The following PHLPP1 variants were observed in gnomAD, a reference collection of about 807,000 sequenced individuals.
PHLPP1 encodes the protein PH domain and leucine rich repeat protein phosphatase 1.
PHLPP1 carries 42 observed loss-of-function variants against 117.2 expected under a neutral mutation model. The observed-to-expected ratio is 0.36, with a 90% CI of 0.28 to 0.46. PHLPP1 has a LOEUF of 0.46. PHLPP1 is among the 20% of genes least tolerant of loss of function. The pLI, the probability that PHLPP1 is intolerant of heterozygous loss-of-function variation, is 1.00. For synonymous variants in PHLPP1, 1,042 were observed against 970.7 expected, an observed-to-expected ratio of 1.07 and a Z score of -1.37; for missense variants, 2,084 against 2,241.9, an observed-to-expected ratio of 0.93 and a Z score of 1.42.
chr18:62,874,310 C>G (rs1915981956), intron 4 of PHLPP1, among the ~76,000 whole-genome samples: 1 of 152,070 alleles, frequency 6.6e-6, no homozygotes, highest in African/African-American at 2.4e-5. Flanking sequence ...GAGTTTGCGA[C>G]CAGCCTGACC....
intron 1 of PHLPP1, chr18:62,826,177 T>C: frequency 3.1e-6 from 1 of 319,596 alleles, no homozygotes; most frequent in Non-Finnish European, 6.3e-6. Context: ...TTTCTGGAGG[T>C]CCATTGCTTT....
intron 1 of PHLPP1, among the ~76,000 whole-genome samples, chr18:62,810,782 A>G (rs964987876): frequency 1.3e-5 from 2 of 152,220 alleles, no homozygotes; most frequent in African/African-American, 4.8e-5. Context: ...GAACAAAGGT[A>G]GTACTATAAA....
intron 2 of PHLPP1, chr18:62,832,199 C>A (rs1350825713): frequency 6.6e-6 from 1 of 152,176 alleles, no homozygotes; most frequent in East Asian, 1.9e-4. Context: ...AGCTAAATAA[C>A]CCTGCCTGCC....
chr18:62,958,614 T>A lies in PHLPP1; in HGVS notation c.3325-15T>A. ...TAGACCATCTCTTTCTTGTTTGCAC[T>A]TGTTCTTTTTTCAGTGTGTGGACCT... On this transcript the variant is annotated splice_polypyrimidine_tract_variant and intron_variant, in intron 12 of 16. Transcript: ENST00000262719. The A allele has an allele frequency of 6.2e-7, 1 of 1,613,726 alleles. No individual in the cohort carries two copies. The highest frequency in any genetic ancestry group is 2.2e-5 in the East Asian group (1 of 44,872).
chr18:62,745,052 C>A (rs188117570), intron 1 of PHLPP1, among the ~76,000 whole-genome samples: 8 of 152,260 alleles, frequency 5.3e-5, no homozygotes, highest in African/African-American at 1.7e-4. Flanking sequence ...GTTTTAAAAC[C>A]TGGCATTTGG....
At chr18:62,952,096 G>T (rs1486943819) in intron 12 of PHLPP1, among the ~76,000 whole-genome samples, 1 of 151,858 alleles carries the variant, frequency 6.6e-6, no homozygotes, top group South Asian at 2.1e-4. Flanking sequence ...GGGATTACAG[G>T]CGTGAGCCAC....
intron 3 of PHLPP1, among the ~76,000 whole-genome samples, chr18:62,844,369 A>G (rs868729190): frequency 6.6e-6 from 1 of 152,024 alleles, no homozygotes; most frequent in Non-Finnish European, 1.5e-5. Context: ...AAAATAAAGT[A>G]TTTTTCTTTA....
At chr18:62,746,936 T>A (rs961416966) in intron 1 of PHLPP1, among the ~76,000 whole-genome samples, 33 of 152,210 alleles carry the variant, frequency 2.2e-4, no homozygotes, top group African/African-American at 7.2e-4. Flanking sequence ...GTAGCTATAT[T>A]CAGGTTTTCT....
intron 2 of PHLPP1, among the ~76,000 whole-genome samples, chr18:62,837,364 C>T (rs892178386): frequency 1.3e-5 from 2 of 152,064 alleles, no homozygotes; most frequent in Admixed American, 6.6e-5. Flanking sequence ...AAGAATTTGT[C>T]ACAAAATTGT....
chr18:62,771,106 T>A (rs1220197463), intron 1 of PHLPP1, among the ~76,000 whole-genome samples: 5 of 150,034 alleles, frequency 3.3e-5, no homozygotes, highest in African/African-American at 1.2e-4. Flanking sequence ...CCCAGCTACT[T>A]GGGAGGCTGA....
intron 3 of PHLPP1, among the ~76,000 whole-genome samples, chr18:62,854,122 A>T (rs968447594): frequency 6.6e-6 from 1 of 152,182 alleles, no homozygotes; most frequent in Non-Finnish European, 1.5e-5. Flanking sequence ...TTTCTCCTGT[A>T]TGTCAAGTTG....
At chr18:62,825,522 A>G (rs998294786) in intron 1 of PHLPP1, 1 of 150,988 alleles carries the variant, frequency 6.6e-6, no homozygotes. Flanking sequence ...GTGCAGTGGC[A>G]CAATCATAGT....
At chr18:62,919,255 A>G (rs139600825) in intron 9 of PHLPP1, among the ~76,000 whole-genome samples, 152 of 152,308 alleles carry the variant, frequency 1.0e-3, no homozygotes, top group African/African-American at 3.3e-3. Flanking sequence ...ACATTAGATT[A>G]ACAAGTATTC....
intron 7 of PHLPP1, among the ~76,000 whole-genome samples, chr18:62,904,512 G>C (rs541119659): frequency 6.6e-6 from 1 of 152,320 alleles, no homozygotes; most frequent in African/African-American, 2.4e-5. Flanking sequence ...GGAACTTGTA[G>C]TCAAGATTAC....
At chr18:62,759,240 G>A (rs979120868) in intron 1 of PHLPP1, among the ~76,000 whole-genome samples, 1 of 152,156 alleles carries the variant, frequency 6.6e-6, no homozygotes, top group African/African-American at 2.4e-5. Context: ...AAAAAACACA[G>A]GTAAAAATAA....
intron 1 of PHLPP1, among the ~76,000 whole-genome samples, chr18:62,828,982 A>G (rs564487157): frequency 1.3e-3 from 197 of 152,306 alleles, no homozygotes; most frequent in African/African-American, 4.5e-3. Flanking sequence ...GTTCATGTCA[A>G]TCACAGTAGT....
At chr18:62,780,233 G>A (rs1055237121) in intron 1 of PHLPP1, among the ~76,000 whole-genome samples, 1 of 152,082 alleles carries the variant, frequency 6.6e-6, no homozygotes, top group Non-Finnish European at 1.5e-5. Flanking sequence ...AAGTGGTCTA[G>A]TTTATTTCAG....
intron 1 of PHLPP1, among the ~76,000 whole-genome samples, chr18:62,757,252 G>A (rs896303223): frequency 6.6e-6 from 1 of 152,192 alleles, no homozygotes; most frequent in African/African-American, 2.4e-5. Context: ...AAGCAAACCA[G>A]TAATGGGCCG....
chr18:62,746,066 G>A (rs556688557), intron 1 of PHLPP1, among the ~76,000 whole-genome samples: 6 of 151,048 alleles, frequency 4.0e-5, no homozygotes, highest in African/African-American at 1.5e-4. Flanking sequence ...TTTTTGAGAC[G>A]GAGTTTCACT....
Sources: allele counts gnomAD v4.1 joint callset (sites outside exome capture counted in the v4.1 genomes callset), GRCh38; gene constraint gnomAD v4.1.1; transcripts MANE v1.5; gene names NCBI Gene and HGNC (gene_info 2026-07-23, HGNC 2026-07-21).